Variants in YES1 observed in about 807,000 individuals in gnomAD.
YES1 encodes the protein tyrosine-protein kinase Yes.
Under a neutral mutation model 70.4 loss-of-function variants are expected in YES1, and 39 were observed. The ratio of observed to expected loss-of-function variants is 0.55; its 90% CI spans 0.43 to 0.72. The LOEUF (loss-of-function observed/expected upper bound fraction) is 0.72. Among genes scored for constraint, YES1 ranks in the 30% least tolerant of loss-of-function variants. YES1 has a pLI of 0.00. For synonymous variants in YES1, 198 were observed against 218.6 expected (o/e 0.91, Z 0.83); for missense variants, 495 against 644.8 (o/e 0.77, Z 2.52).
Position 724,464 on chromosome 18 carries a change from G to C in YES1, c.1592C>G (p.Thr531Ser). 2 of 1,614,156 alleles carry C rather than the reference G, an allele frequency of 1.2e-6. No homozygotes were observed. Among genetic ancestry groups the C allele is most frequent in the Non-Finnish European group, 1.7e-6 (2 of 1,180,030 alleles). The part of the protein sequence containing the change: ...YIQSFLEDYF[T>S]ATEPQYQPGE... ...TGGCTGGTACTGTGGCTCTGTAGCA[G>C]TGAAGTAGTCTTCCAAGAAGGACTG... The change falls in exon 12 of 12, where the codon ACT becomes AGT. Residue 531 changes from threonine (T) to serine (S), a missense_variant. By Grantham distance (58) the Thr-to-Ser change is moderately conservative (BLOSUM62 1). Around this residue, in one of 2 missense-constraint regions of YES1, gnomAD observed 385 missense variants for 540.9 expected, o/e 0.71. Transcript: ENST00000314574.
intron 1 of YES1, among the ~76,000 whole-genome samples, chr18:766,472 T>C (rs1370553458): frequency 1.3e-5 from 2 of 150,962 alleles, no homozygotes. Context: ...GATTATCTTT[T>C]CTATGTTTTC....
intron 1 of YES1, among the ~76,000 whole-genome samples, chr18:811,707 G>C (rs1006807958): frequency 6.6e-6 from 1 of 152,158 alleles, no homozygotes; most frequent in African/African-American, 2.4e-5. Context: ...CCGATACACA[G>C]ACCCCCAGCC....
At chr18:778,327 G>A (rs1025448223) in intron 1 of YES1, among the ~76,000 whole-genome samples, 4 of 152,114 alleles carry the variant, frequency 2.6e-5, no homozygotes, top group African/African-American at 9.7e-5. Context: ...TTTAGAAAAT[G>A]TAACAAACAT....
chr18:807,106 C>T (rs1208678061), intron 1 of YES1, among the ~76,000 whole-genome samples: 1 of 152,000 alleles, frequency 6.6e-6, no homozygotes, highest in African/African-American at 2.4e-5. Flanking sequence ...CCCATCTCTC[C>T]AAAAAATTCA....
At position 747,982 on chromosome 18, in the gene YES1, T is replaced by C. The variant is rs568618515; in HGVS notation, c.408A>G (p.Thr136=). Residue 136 remains threonine (T), a synonymous_variant, in exon 4 of 12, where the codon ACA becomes ACG. Transcript: ENST00000314574. The stretch of plus-strand genomic sequence containing the variant: ...TGCTCGGGATATAACCATTCTTTCC[T>C]GTAGCGATTGATCTTGCTTCCCACC... The part of the protein sequence containing the change: ...GDWWEARSIA[T]GKNGYIPSNY... 413 of 1,613,948 alleles carry C rather than the reference T, an allele frequency of 2.6e-4. 1 individual carries two copies. Among genetic ancestry groups the C allele is most frequent in the South Asian group, 2.2e-3 (201 of 91,080 alleles).
At chr18:752,335 C>G (rs967988551) in intron 2 of YES1, among the ~76,000 whole-genome samples, 1 of 152,120 alleles carries the variant, frequency 6.6e-6, no homozygotes, top group Non-Finnish European at 1.5e-5. Flanking sequence ...GTTTTGAACT[C>G]CTGGCCCCAA....
intron 8 of YES1, among the ~76,000 whole-genome samples, chr18:741,254 T>TC (rs1282327307): frequency 6.6e-6 from 1 of 151,854 alleles, no homozygotes; most frequent in Non-Finnish European, 1.5e-5. Flanking sequence ...TTTTTTTTTT[T>TC]TCTTTTTTGA....
chr18:749,701 A>C (rs1327525672), intron 3 of YES1, among the ~76,000 whole-genome samples: 3 of 151,844 alleles, frequency 2.0e-5, no homozygotes, highest in Non-Finnish European at 4.4e-5. Context: ...TAAAAAAAAA[A>C]CAAAAAAAAT....
At chr18:736,638 A>G (rs2145689538) in intron 10 of YES1, 170 bp downstream of exon 10, 1 of 843,710 alleles carries the variant, frequency 1.2e-6, no homozygotes, top group Admixed American at 3.4e-5. Context: ...CTTGGAGGAA[A>G]TAACTATCAG....
chr18:726,781 C>CAAAAAAAAAAAAAAA (rs58322434), intron 11 of YES1, among the ~76,000 whole-genome samples: 3 of 47,250 alleles, frequency 6.3e-5, no homozygotes, highest in Non-Finnish European at 7.0e-5. Context: ...ACTCTTGTCT[C>CAAAAAAAAAAAAAAA]AAAAAAAAAA....
At chr18:783,254 T>G (rs1050528672) in intron 1 of YES1, among the ~76,000 whole-genome samples, 8 of 152,118 alleles carry the variant, frequency 5.3e-5, no homozygotes, top group African/African-American at 7.2e-5. Context: ...ACTGCATATT[T>G]TAGCTACAGA....
At chr18:733,782 C>CAAAAAAAAAAAAA (rs71174280) in intron 10 of YES1, among the ~76,000 whole-genome samples, 8 of 59,248 alleles carry the variant, frequency 1.4e-4, no homozygotes, top group African/African-American at 4.3e-4. Context: ...GACTCCGTCT[C>CAAAAAAAAAAAAA]AAAAAAAAAA....
chr18:739,930 T>C, intron 8 of YES1, 119 bp from the exon 9 acceptor site: 1 of 751,322 alleles, frequency 1.3e-6, no homozygotes, highest in African/African-American at 1.8e-5. Flanking sequence ...TTTTTTTAAA[T>C]TTTGTGCAGT....
intron 1 of YES1, among the ~76,000 whole-genome samples, chr18:803,507 C>A (rs922082719): frequency 1.3e-5 from 2 of 152,156 alleles, no homozygotes; most frequent in African/African-American, 4.8e-5. Flanking sequence ...TTTATTACCC[C>A]CAATCTTTTG....
chr18:772,140 T>G (rs1905188319), intron 1 of YES1, among the ~76,000 whole-genome samples: 1 of 151,814 alleles, frequency 6.6e-6, no homozygotes, highest in Admixed American at 6.6e-5. Flanking sequence ...GTGATGCTCC[T>G]GCCTCAGCCT....
chr18:775,351 T>C, intron 1 of YES1: 1 of 152,000 alleles, frequency 6.6e-6, no homozygotes, highest in Non-Finnish European at 1.5e-5. Flanking sequence ...TTACATAAAC[T>C]CAACACCAAT....
At chr18:788,690 T>A (rs1906089520) in intron 1 of YES1, among the ~76,000 whole-genome samples, 1 of 152,084 alleles carries the variant, frequency 6.6e-6, no homozygotes, top group African/African-American at 2.4e-5. Flanking sequence ...GAGGCCAAGG[T>A]GGATAGATCA....
intron 11 of YES1, among the ~76,000 whole-genome samples, chr18:731,966 CAAA>C (rs1165333694): frequency 3.8e-5 from 3 of 79,966 alleles, no homozygotes; most frequent in African/African-American, 1.0e-4. Flanking sequence ...GACTCCATTT[CAAA>C]AAAAAAAAAA....
At chr18:809,446 C>T (rs572804775) in intron 1 of YES1, among the ~76,000 whole-genome samples, 1 of 151,950 alleles carries the variant, frequency 6.6e-6, no homozygotes, top group African/African-American at 2.4e-5. Context: ...ATTACAGGGG[C>T]GCGCCACCAC....
Sources: allele counts gnomAD v4.1 joint callset (sites outside exome capture counted in the v4.1 genomes callset), GRCh38; gene constraint gnomAD v4.1.1; regional missense constraint gnomAD v4.1.1; transcripts MANE v1.5; gene names NCBI Gene and HGNC (gene_info 2026-07-23, HGNC 2026-07-21).